TRIM44: variants seen among roughly 807,000 people sequenced by gnomAD.
TRIM44 encodes tripartite motif-containing protein 44.
A neutral mutation model predicts 37.4 loss-of-function variants in TRIM44; 13 were observed. The observed-to-expected ratio is 0.35, with a 90% CI of 0.23 to 0.55. The LOEUF (loss-of-function observed/expected upper bound fraction) is 0.55. TRIM44 is among the 20% of genes least tolerant of loss of function. The pLI is 0.89. For synonymous variants in TRIM44, 175 were observed against 157.2 expected, an observed-to-expected ratio of 1.11 and a Z score of -0.85; for missense variants, 426 against 437.2, an observed-to-expected ratio of 0.97 and a Z score of 0.23.
At position 35,696,101 on chromosome 11, in the gene TRIM44, C is replaced by T. The variant is rs1026823601; in HGVS notation, c.747+10765C>T. On this transcript the variant is annotated intron_variant, in intron 2 of 4. Coordinates refer to ENST00000299413, the MANE Select transcript of TRIM44 (RefSeq NM_017583.6). Reference sequence around the variant, plus strand: ...ACTATGAAATAGAATTCCAGGTTACCGTAAGTCATTCATTTAGCCAAAATG... The same window carrying T: ...ACTATGAAATAGAATTCCAGGTTACTGTAAGTCATTCATTTAGCCAAAATG... Among the ~76,000 whole-genome samples, 6 of 151,000 alleles carry T rather than the reference C, an allele frequency of 4.0e-5. No individual in the cohort carries two copies. The East Asian group carries it at 1.2e-3, about 29-fold the overall frequency.
At chr11:35,753,739 T>C (rs1230400471) in intron 4 of TRIM44, among the ~76,000 whole-genome samples, 1 of 152,156 alleles carries the variant, frequency 6.6e-6, no homozygotes. Context: ...TTTTTTTTTT[T>C]TCTTCAGACA....
intron 2 of TRIM44, among the ~76,000 whole-genome samples, chr11:35,713,474 G>A (rs1264537613): frequency 1.3e-5 from 2 of 150,920 alleles, no homozygotes; most frequent in Non-Finnish European, 2.9e-5. Context: ...CAGACTTAAG[G>A]GTAAAAGTTT....
At chr11:35,787,446 A>G (rs1218365478) in intron 4 of TRIM44, among the ~76,000 whole-genome samples, 1 of 152,198 alleles carries the variant, frequency 6.6e-6, no homozygotes, top group Non-Finnish European at 1.5e-5. Flanking sequence ...TACAGCTGGA[A>G]CTAATCATCC....
intron 4 of TRIM44, among the ~76,000 whole-genome samples, chr11:35,798,689 C>T (rs1293369175): frequency 1.3e-5 from 2 of 152,118 alleles, no homozygotes; most frequent in Non-Finnish European, 2.9e-5. Context: ...AATTTAAATG[C>T]CCAATATTAG....
intron 4 of TRIM44, among the ~76,000 whole-genome samples, chr11:35,787,835 C>T (rs1242023918): frequency 6.6e-6 from 1 of 152,180 alleles, no homozygotes; most frequent in African/African-American, 2.4e-5. Context: ...ATCCCCAAAC[C>T]ACACTGTGAG....
chr11:35,678,635 C>T (rs1851491133), intron 1 of TRIM44, among the ~76,000 whole-genome samples: 2 of 150,910 alleles, frequency 1.3e-5, no homozygotes, highest in Non-Finnish European at 3.0e-5. Context: ...TTCTCTTAGA[C>T]AGTGTCTCAC....
intron 1 of TRIM44, among the ~76,000 whole-genome samples, chr11:35,684,905 G>T (rs1217072376): frequency 1.3e-5 from 2 of 152,070 alleles, no homozygotes; most frequent in African/African-American, 4.8e-5. Flanking sequence ...ATGCATAAAG[G>T]TTCAAAATAA....
At chr11:35,787,851 AC>A (rs1266646378) in intron 4 of TRIM44, among the ~76,000 whole-genome samples, 1 of 152,098 alleles carries the variant, frequency 6.6e-6, no homozygotes, top group Non-Finnish European at 1.5e-5. Flanking sequence ...GTGAGCTAGG[AC>A]TTCATAATGA....
chr11:35,729,972 G>C (rs1852233825), intron 3 of TRIM44, among the ~76,000 whole-genome samples: 1 of 152,114 alleles, frequency 6.6e-6, no homozygotes, highest in African/African-American at 2.4e-5. Flanking sequence ...GCAAGACCCT[G>C]TCTCAAAAAT....
chr11:35,674,378 A>G (rs749549313), intron 1 of TRIM44, among the ~76,000 whole-genome samples: 24 of 152,228 alleles, frequency 1.6e-4, no homozygotes, highest in African/African-American at 4.1e-4. Flanking sequence ...CTGATCAAGA[A>G]TGAAAAAACC....
intron 1 of TRIM44, among the ~76,000 whole-genome samples, 174 bp from the exon 2 acceptor site, chr11:35,685,085 C>T (rs1185066744): frequency 1.3e-5 from 2 of 152,226 alleles, no homozygotes; most frequent in East Asian, 1.9e-4. Context: ...TATGTCCTGA[C>T]ACTCTTTGTC....
At chr11:35,749,638 G>A (rs1450181467) in intron 4 of TRIM44, among the ~76,000 whole-genome samples, 5 of 152,194 alleles carry the variant, frequency 3.3e-5, no homozygotes, top group Non-Finnish European at 7.3e-5. Flanking sequence ...AGCCGAGATC[G>A]TGCCACTGCA....
intron 3 of TRIM44, among the ~76,000 whole-genome samples, chr11:35,732,834 A>G (rs1852279740): frequency 6.6e-6 from 1 of 152,156 alleles, no homozygotes; most frequent in African/African-American, 2.4e-5. Flanking sequence ...CTCCGTGCCA[A>G]CCTATTCAAA....
intron 2 of TRIM44, among the ~76,000 whole-genome samples, chr11:35,700,706 C>G (rs1213180497): frequency 6.6e-6 from 1 of 152,150 alleles, no homozygotes; most frequent in Non-Finnish European, 1.5e-5. Context: ...TATATAAAAT[C>G]TCTTTTCTTT....
intron 2 of TRIM44, among the ~76,000 whole-genome samples, chr11:35,710,234 G>A (rs1851950951): frequency 6.6e-6 from 1 of 152,116 alleles, no homozygotes; most frequent in African/African-American, 2.4e-5. Flanking sequence ...GCCATATTTA[G>A]TTTGCTTTAT....
chr11:35,734,317 C>A (rs1852303277), intron 3 of TRIM44, among the ~76,000 whole-genome samples: 1 of 152,150 alleles, frequency 6.6e-6, no homozygotes, highest in Admixed American at 6.5e-5. Context: ...TTCATTTAAT[C>A]CTCATACTCA....
chr11:35,737,291 T>C (rs1852338345), intron 4 of TRIM44, among the ~76,000 whole-genome samples: 1 of 152,210 alleles, frequency 6.6e-6, no homozygotes, highest in South Asian at 2.1e-4. Context: ...AATGGGAAGC[T>C]ATTAAAGATT....
intron 4 of TRIM44, among the ~76,000 whole-genome samples, chr11:35,775,898 C>T (rs867772795): frequency 7.9e-5 from 12 of 152,090 alleles, no homozygotes; most frequent in African/African-American, 1.4e-4. Context: ...ATTTTTGCAT[C>T]GATGTTCATC....
chr11:35,729,625 GC>G (rs1326502666), intron 3 of TRIM44, among the ~76,000 whole-genome samples: 3 of 152,162 alleles, frequency 2.0e-5, no homozygotes, highest in South Asian at 4.1e-4. Flanking sequence ...TCCCCAACTA[GC>G]TCTGTGGAGA....
Sources: gnomAD v4.1 joint callset for allele counts (sites outside exome capture counted in the v4.1 genomes callset) on GRCh38, gnomAD v4.1.1 for gene constraint, MANE v1.5 for transcripts, NCBI Gene and HGNC (gene_info 2026-07-23, HGNC 2026-07-21) for gene names.